SRP72: variants seen among roughly 807,000 people sequenced by gnomAD.
SRP72 encodes the protein signal recognition particle 72.
A neutral mutation model predicts 96.3 loss-of-function variants in SRP72; 49 were observed. That is an observed-to-expected ratio of 0.51 (90% CI 0.40 to 0.65). SRP72 has a LOEUF of 0.65. SRP72 is among the 30% of genes least tolerant of loss of function. SRP72 has a pLI of 0.00. For synonymous variants in SRP72, 267 were observed against 275.2 expected, an observed-to-expected ratio of 0.97 and a Z score of 0.30; for missense variants, 736 against 793.3, an observed-to-expected ratio of 0.93 and a Z score of 0.87.
At chr4:56,484,216 A>G (rs1720618415) in intron 9 of SRP72, among the ~76,000 whole-genome samples, 2 of 151,544 alleles carry the variant, frequency 1.3e-5, no homozygotes, top group African/African-American at 4.9e-5. Flanking sequence ...TTGTATTTTT[A>G]GTAGAGACGG....
chr4:56,491,023 C>A (rs758529754), intron 15 of SRP72, among the ~76,000 whole-genome samples: 1 of 152,274 alleles, frequency 6.6e-6, no homozygotes, highest in Middle Eastern at 3.4e-3. Context: ...ACCTGATAAG[C>A]GAATTTGGTG....
chr4:56,482,736 A>G (rs899451414), intron 8 of SRP72, among the ~76,000 whole-genome samples: 2 of 152,234 alleles, frequency 1.3e-5, no homozygotes, highest in African/African-American at 4.8e-5. Context: ...GTCCTAATAC[A>G]CTTCAATTTG....
In SRP72 at chr4:56,478,486, T is replaced by C; in HGVS notation, c.750T>C (p.Asn250=). 1 of 1,614,036 alleles carries C rather than the reference T, an allele frequency of 6.2e-7. No individual in the cohort carries two copies. Among genetic ancestry groups the C allele is most frequent in the Non-Finnish European group, 8.5e-7 (1 of 1,179,994 alleles). ...GRTEEALQLY[N]QIIKLKPTDV... ...CAGAGGAGGCTTTGCAACTTTACAATCAAATAATAAAACTAAAGTGAGTTA... is the reference window on the plus strand; with the variant it reads ...CAGAGGAGGCTTTGCAACTTTACAACCAAATAATAAAACTAAAGTGAGTTA... The change falls in exon 7 of 19, where the codon AAT becomes AAC. Residue 250 remains asparagine (N), a synonymous_variant. Transcript: ENST00000642900.
intron 10 of SRP72, among the ~76,000 whole-genome samples, chr4:56,485,081 T>C (rs1011012675): frequency 1.2e-4 from 19 of 152,192 alleles, no homozygotes; most frequent in Non-Finnish European, 2.8e-4. Context: ...ATATTTGTTA[T>C]AAATGCTGAA....
intron 8 of SRP72, 23 bp downstream of exon 8, chr4:56,478,672 A>T (rs772822231): frequency 6.2e-7 from 1 of 1,605,356 alleles, no homozygotes; most frequent in Non-Finnish European, 8.5e-7. Flanking sequence ...TGTGCTTTCC[A>T]TAGATATATT....
At chr4:56,469,833 T>C in intron 2 of SRP72, 60 bp downstream of exon 2, 1 of 1,418,782 alleles carries the variant, frequency 7.0e-7, no homozygotes, top group East Asian at 2.4e-5. Flanking sequence ...AGCTATAATC[T>C]CTTCCATGTT....
chr4:56,470,521 C>T (rs973864455), intron 2 of SRP72, among the ~76,000 whole-genome samples: 4 of 143,450 alleles, frequency 2.8e-5, no homozygotes, highest in Admixed American at 7.3e-5. Context: ...GCCTGGGTGA[C>T]GGGGAGACTC....
chr4:56,494,546 G>A (rs753696944), intron 16 of SRP72, among the ~76,000 whole-genome samples: 2 of 151,822 alleles, frequency 1.3e-5, no homozygotes, highest in South Asian at 4.2e-4. Context: ...TGAGATTACA[G>A]GCACGCACTG....
chr4:56,484,794 T>C lies in SRP72; in HGVS notation c.1016T>C (p.Leu339Ser). ...CAGTCCCAAAGTCCCGAGCATCTCT[T>C]ACCTGTGTTAATCCAAGCTGCCCAG... is the stretch of plus-strand genomic sequence containing the variant. The part of the protein sequence containing the change: ...SLQSQSPEHL[L>S]PVLIQAAQLC... Residue 339 changes from leucine to serine, a missense_variant, in exon 10 of 19, where the codon TTA becomes TCA. Around this residue, in one of 3 missense-constraint regions of SRP72, gnomAD observed 388 missense variants for 431.8 expected, o/e 0.90. Coordinates refer to ENST00000642900, the MANE Select transcript of SRP72 (RefSeq NM_006947.4). 6.2e-7 allele frequency: 1 copy of C among 1,614,194 alleles called. No homozygotes were observed. Among genetic ancestry groups the C allele is most frequent in the Non-Finnish European group, 8.5e-7 (1 of 1,180,044 alleles).
intron 17 of SRP72, among the ~76,000 whole-genome samples, chr4:56,496,945 C>T (rs1165540488): frequency 2.6e-5 from 4 of 152,054 alleles, no homozygotes; most frequent in East Asian, 1.9e-4. Flanking sequence ...GTTGAGATTG[C>T]GTCACGGCAC....
Position 56,491,452 on chromosome 4 carries a change from G to A in SRP72, c.1524G>A (p.Ser508=), listed in dbSNP as rs140596453. ...ACAGTCTTAGTAAACACTTGCCATC[G>A]TCAGATAGTATGTCTCTAAAAGTAG... The part of the protein sequence containing the change: ...KAKALSKHLP[S]SDSMSLKVDV... The change falls in exon 16 of 19, where the codon TCG becomes TCA. Residue 508 remains serine (S), a synonymous_variant. Coordinates refer to ENST00000642900, the MANE Select transcript of SRP72 (RefSeq NM_006947.4). 1.4e-5 allele frequency: 23 copies of A among 1,613,662 alleles called. No homozygotes were observed. The highest frequency in any genetic ancestry group is 1.2e-4 in the African/African-American group (9 of 74,908).
chr4:56,496,051 T>C (rs1249313381), intron 17 of SRP72, among the ~76,000 whole-genome samples: 1 of 152,166 alleles, frequency 6.6e-6, no homozygotes, highest in Non-Finnish European at 1.5e-5. Flanking sequence ...GTGTCCAGCC[T>C]TGAATTATTA....
chr4:56,476,948 C>G (rs554430001), intron 6 of SRP72: 15 of 441,198 alleles, frequency 3.4e-5, no homozygotes, highest in African/African-American at 2.5e-4. Flanking sequence ...TAAATTTATT[C>G]CCCCATTTTA....
At chr4:56,476,173 T>C (rs1720214589) in intron 5 of SRP72, 3 of 160,808 alleles carry the variant, frequency 1.9e-5, no homozygotes, top group African/African-American at 7.2e-5. Context: ...TCCCAGCTAC[T>C]TGGGAGGCGG....
In SRP72 at chr4:56,495,402, A is replaced by G. The variant is rs772292136; in HGVS notation, c.1678+8A>G. ...AGAAAAAGAAAAAGAAGGGTAAGGC[A>G]TTAAAAAAGTCTTTATAAATTTTCT... On this transcript the variant is annotated splice_region_variant and intron_variant, in intron 17 of 18. Coordinates refer to ENST00000642900, the MANE Select transcript of SRP72 (RefSeq NM_006947.4). The G allele has an allele frequency of 4.1e-6, 6 of 1,477,480 alleles. No individual in the cohort carries two copies. The highest frequency in any genetic ancestry group is 5.6e-6 in the Non-Finnish European group (6 of 1,070,106). 91.5% of individuals were successfully genotyped at this position (1,477,480 alleles called of 1,614,324 possible).
intron 9 of SRP72, among the ~76,000 whole-genome samples, chr4:56,484,243 C>A (rs1720620300): frequency 1.3e-5 from 2 of 151,712 alleles, no homozygotes; most frequent in Admixed American, 1.3e-4. Context: ...ACCATGTTAG[C>A]CAGGATGGTC....
At chr4:56,476,388 T>A (rs982881291) in intron 5 of SRP72, 1 of 418,234 alleles carries the variant, frequency 2.4e-6, no homozygotes, top group African/African-American at 2.1e-5. Context: ...TATAATTGAT[T>A]TTTCGCAATT....
chr4:56,484,824 G>T lies in SRP72; in HGVS notation c.1046G>T (p.Cys349Phe). 6.2e-7 allele frequency: 1 copy of T among 1,613,846 alleles called. No homozygotes were observed. The highest frequency in any genetic ancestry group is 1.1e-5 in the South Asian group (1 of 90,992). Reference protein sequence around the residue: ...LPVLIQAAQLCREKQHTKAIE... With the variant: ...LPVLIQAAQLFREKQHTKAIE... ...GTGTTAATCCAAGCTGCCCAGCTCTGCCGTGAAAAGCAGCACACAAAAGCA... is the reference window on the plus strand; with the variant it reads ...GTGTTAATCCAAGCTGCCCAGCTCTTCCGTGAAAAGCAGCACACAAAAGCA... Residue 349 changes from cysteine to phenylalanine, a missense_variant, in exon 10 of 19, where the codon TGC (cysteine) becomes TTC (phenylalanine). Physicochemically the swap from Cys to Phe is radical, Grantham distance 205. Around this residue, in one of 3 missense-constraint regions of SRP72, gnomAD observed 388 missense variants for 431.8 expected, o/e 0.90. Transcript: ENST00000642900.
In SRP72 at chr4:56,501,912, GGAA is replaced by G; in HGVS notation, c.*52_*54del. ...TTTTAAACTAGTGTCAGTGACACTA[GGAA>G]TATAATAAAGGTAACACAGCAAGAA... is the stretch of plus-strand genomic sequence containing the variant. On this transcript the variant is annotated 3_prime_UTR_variant, in exon 19 of 19. Coordinates refer to ENST00000642900, the MANE Select transcript of SRP72 (RefSeq NM_006947.4). 6 of 1,576,622 alleles carry G rather than the reference GGAA, an allele frequency of 3.8e-6. No individual in the cohort carries two copies. Among genetic ancestry groups the G allele is most frequent in the Non-Finnish European group, 5.2e-6 (6 of 1,147,462 alleles).
Sources: allele counts gnomAD v4.1 joint callset (sites outside exome capture counted in the v4.1 genomes callset), GRCh38; gene constraint gnomAD v4.1.1; regional missense constraint gnomAD v4.1.1; transcripts MANE v1.5; gene names NCBI Gene and HGNC (gene_info 2026-07-23, HGNC 2026-07-21).